Variants in SSBP3 observed in about 807,000 individuals in gnomAD.
The protein encoded by SSBP3 is single-stranded DNA-binding protein 3.
Under a neutral mutation model 69.6 loss-of-function variants are expected in SSBP3, and 5 were observed. The observed-to-expected ratio is 0.07, with a 90% confidence interval of 0.04 to 0.15. The LOEUF (loss-of-function observed/expected upper bound fraction) is 0.15, where lower values mean the gene tolerates loss of function less well. SSBP3 is among the 10% of genes least tolerant of loss of function. The probability of loss-of-function intolerance (pLI) is 1.00; values close to 1 mark genes in which losing one functional copy is unlikely to be tolerated. For synonymous variants in SSBP3, 196 were observed against 193.4 expected, an observed-to-expected ratio of 1.01 and a Z score of -0.11; for missense variants, 312 against 534.0, an observed-to-expected ratio of 0.58 and a Z score of 4.10.
chr1:54,397,994 C>T (rs911436229), intron 4 of SSBP3, among the ~76,000 whole-genome samples: 5 of 152,190 alleles, frequency 3.3e-5, no homozygotes, highest in Non-Finnish European at 7.4e-5. Flanking sequence ...CACCAACCAG[C>T]ATACCCGGTG....
chr1:54,360,383 C>T (rs899056601), intron 4 of SSBP3, among the ~76,000 whole-genome samples: 1 of 152,210 alleles, frequency 6.6e-6, no homozygotes, highest in Non-Finnish European at 1.5e-5. Flanking sequence ...AGGCACTCAA[C>T]AAATACCTAA....
chr1:54,291,516 C>T lies in SSBP3; in HGVS notation c.277-9989G>A, dbSNP rs946526009. Among the ~76,000 whole-genome samples the T allele has an allele frequency of 3.3e-5, 5 of 152,284 alleles. No individual in the cohort carries two copies. In the East Asian group the frequency reaches 7.7e-4, roughly 23 times the overall value. Reference sequence around the variant, plus strand: ...CACGGGTTCGGCGCTGAGCAGATGCCGTCTAAGCCTTTAAAGCATGCACTA... The same window carrying T: ...CACGGGTTCGGCGCTGAGCAGATGCTGTCTAAGCCTTTAAAGCATGCACTA... On this transcript the variant is annotated intron_variant, in intron 4 of 17. Transcript: ENST00000610401.
At chr1:54,276,386 G>A (rs966396701) in intron 5 of SSBP3, among the ~76,000 whole-genome samples, 8 of 151,948 alleles carry the variant, frequency 5.3e-5, no homozygotes, top group African/African-American at 1.7e-4. Context: ...TGAGGTGGGC[G>A]GATCACTTGA....
At chr1:54,317,889 C>T (rs1479768092) in intron 4 of SSBP3, among the ~76,000 whole-genome samples, 1 of 152,150 alleles carries the variant, frequency 6.6e-6, no homozygotes, top group African/African-American at 2.4e-5. Flanking sequence ...CCTCAGCCTC[C>T]TGAGTAGCTG....
chr1:54,225,461 C>T lies in SSBP3; in HGVS notation c.*1670G>A, dbSNP rs185083011. The stretch of plus-strand genomic sequence containing the variant: ...GAAAAAAGATGTCCCTTTAATAAAA[C>T]GTTATCAACATATATCGTACACAAA... On this transcript the variant is annotated 3_prime_UTR_variant, in exon 18 of 18. Coordinates refer to ENST00000610401, the Ensembl canonical transcript of SSBP3. The T allele has an allele frequency of 2.2e-5, 27 of 1,205,454 alleles. No individual in the cohort carries two copies. The East Asian group carries it at 3.5e-4, about 16-fold the overall frequency. The allele number at this position is 1,205,454 out of a possible 1,614,324, so 74.7% of individuals were successfully genotyped here.
Position 54,289,041 on chromosome 1 carries a change from AAAAC to A in SSBP3, c.277-7518_277-7515del, listed in dbSNP as rs1359500519. Among the ~76,000 whole-genome samples the A allele has an allele frequency of 5.5e-4, 30 of 54,092 alleles. 5 individuals carry two copies. Among genetic ancestry groups the A allele is most frequent in the African/African-American group, 2.0e-3 (15 of 7,650 alleles). 35.5% of individuals were successfully genotyped at this position (54,092 alleles called of 152,430 possible). A position where few individuals can be genotyped will look rare whatever the true frequency, so the allele number is the denominator to read the frequency against. ...TCTCCAAAAAAAAAAAAAAAACAAA[AAAAC>A]AAAAAAAAAAAACAGTAATGTCCCA... is the stretch of plus-strand genomic sequence containing the variant. On this transcript the variant is annotated intron_variant, in intron 4 of 17. Transcript: ENST00000610401.
chr1:54,240,121 C>CGCG lies in SSBP3; in HGVS notation c.856+783_856+784insCGC, dbSNP rs1557449281. ...GCGCGTGTGCGTGCGCGCGCGCGCGCAACACATGCCCACGTATGTGCACGC... is the reference window on the plus strand; with the variant it reads ...GCGCGTGTGCGTGCGCGCGCGCGCGCGCGAACACATGCCCACGTATGTGCACGC... On this transcript the variant is annotated intron_variant, in intron 13 of 17. Coordinates refer to ENST00000610401, the Ensembl canonical transcript of SSBP3. Among the ~76,000 whole-genome samples the CGCG allele has an allele frequency of 4.7e-3, 64 of 13,492 alleles. 4 individuals are homozygous for CGCG. The Admixed American group carries it at 0.057, about 12-fold the overall frequency. 8.9% of individuals were successfully genotyped at this position (13,492 alleles called of 152,430 possible).
At chr1:54,397,265 C>T (rs1648960212) in intron 4 of SSBP3, among the ~76,000 whole-genome samples, 1 of 152,228 alleles carries the variant, frequency 6.6e-6, no homozygotes, top group Admixed American at 6.5e-5. Flanking sequence ...GCACTGCCAC[C>T]CTCTTGTCCC....
chr1:54,370,496 A>G (rs1288771079), intron 4 of SSBP3, among the ~76,000 whole-genome samples: 3 of 152,176 alleles, frequency 2.0e-5, no homozygotes, highest in African/African-American at 7.2e-5. Context: ...AGCATTTACC[A>G]TCTGTCCTGT....
chr1:54,410,776 G>C (rs934443405), upstream of SSBP3, among the ~76,000 whole-genome samples: 8 of 152,168 alleles, frequency 5.3e-5, no homozygotes, highest in Non-Finnish European at 1.0e-4. Flanking sequence ...TATGCCAAAG[G>C]CAGGCTGGGA....
At chr1:54,313,020 CTTTT>C (rs534805502) in intron 4 of SSBP3, among the ~76,000 whole-genome samples, 7 of 121,376 alleles carry the variant, frequency 5.8e-5, no homozygotes, top group African/African-American at 1.9e-4. Context: ...GTGCCTGGAG[CTTTT>C]TTTTTTTTTT....
intron 5 of SSBP3, among the ~76,000 whole-genome samples, chr1:54,274,743 A>G (rs1266239634): frequency 6.6e-6 from 1 of 152,152 alleles, no homozygotes; most frequent in Non-Finnish European, 1.5e-5. Flanking sequence ...CAGGCCATGG[A>G]ACCTCTTCCT....
chr1:54,252,765 G>A (rs908969860), intron 7 of SSBP3, among the ~76,000 whole-genome samples: 1 of 152,258 alleles, frequency 6.6e-6, no homozygotes, highest in Admixed American at 6.5e-5. Context: ...AGTAGGAGTT[G>A]CTGGGGGGAA....
intron 10 of SSBP3, 60 bp from the exon 11 acceptor site, chr1:54,242,272 G>A: frequency 2.0e-5 from 32 of 1,595,496 alleles, no homozygotes; most frequent in Non-Finnish European, 2.7e-5. Flanking sequence ...CCAAGCGGTG[G>A]AGGCAGCAGG....
At chr1:54,289,034 A>AC (rs1645550961) in intron 4 of SSBP3, among the ~76,000 whole-genome samples, 4 of 52,318 alleles carry the variant, frequency 7.6e-5, no homozygotes, top group African/African-American at 2.7e-4. Flanking sequence ...AAAAAAAAAA[A>AC]AACAAAAAAA....
chr1:54,289,016 T>C (rs1645545863), intron 4 of SSBP3, among the ~76,000 whole-genome samples: 1 of 79,792 alleles, frequency 1.3e-5, no homozygotes, highest in Non-Finnish European at 2.2e-5. Flanking sequence ...CTAGACTCTG[T>C]CTCCAAAAAA....
chr1:54,400,498 CAGA>C (rs1191021041), intron 4 of SSBP3, among the ~76,000 whole-genome samples: 2 of 152,202 alleles, frequency 1.3e-5, no homozygotes, highest in Admixed American at 6.5e-5. Context: ...GGGATTTTCC[CAGA>C]AGAACCACAT....
chr1:54,246,453 G>C (rs1376789227), intron 9 of SSBP3, among the ~76,000 whole-genome samples: 2 of 152,220 alleles, frequency 1.3e-5, no homozygotes, highest in Non-Finnish European at 2.9e-5. Flanking sequence ...CCAAGAGAAA[G>C]GCCTGCATCT....
chr1:54,357,194 G>C (rs1373238598), intron 4 of SSBP3, among the ~76,000 whole-genome samples: 1 of 152,150 alleles, frequency 6.6e-6, no homozygotes. Flanking sequence ...AAGGCAGTGC[G>C]AGTGAGGAAG....
Sources: gnomAD v4.1 joint callset for allele counts (sites outside exome capture counted in the v4.1 genomes callset) on GRCh38, gnomAD v4.1.1 for gene constraint, MANE v1.5 for transcripts, NCBI Gene and HGNC (gene_info 2026-07-23, HGNC 2026-07-21) for gene names.